The following KCNMA1 variants were observed in gnomAD, a reference collection of about 807,000 sequenced individuals.
The protein encoded by KCNMA1 is Calcium-activated potassium channel subunit alpha-1.
KCNMA1 carries 29 observed loss-of-function variants against 140.0 expected under a neutral mutation model. That is an observed-to-expected ratio of 0.21 (90% CI 0.15 to 0.28). KCNMA1 has a LOEUF of 0.28. Among genes scored for constraint, KCNMA1 ranks in the 10% least tolerant of loss-of-function variants. The pLI is 1.00. For missense variants in KCNMA1, 880 were observed against 1,602.2 expected (o/e 0.55, Z 7.70); for synonymous variants, 612 against 611.9 (o/e 1.00, Z 0.00).
At chr10:77,101,176 A>T (rs2253072) in intron 9 of KCNMA1, among the ~76,000 whole-genome samples, 1 of 152,020 alleles carries the variant, frequency 6.6e-6, no homozygotes, top group African/African-American at 2.4e-5. Context: ...TCCCACGCCC[A>T]CCAAGACCCC....
At chr10:77,242,830 G>A (rs1449169581) in intron 3 of KCNMA1, among the ~76,000 whole-genome samples, 2 of 151,584 alleles carry the variant, frequency 1.3e-5, no homozygotes, top group Non-Finnish European at 2.9e-5. Context: ...CTACTGTGAT[G>A]AGCCTGGTGG....
At chr10:77,086,017 GA>G (rs2096682656) in intron 11 of KCNMA1, among the ~76,000 whole-genome samples, 1 of 152,052 alleles carries the variant, frequency 6.6e-6, no homozygotes, top group Non-Finnish European at 1.5e-5. Context: ...CTTAGATGGG[GA>G]AAAAAGAAAG....
chr10:77,490,900 T>C (rs1400832940), intron 1 of KCNMA1, among the ~76,000 whole-genome samples: 3 of 152,208 alleles, frequency 2.0e-5, no homozygotes, highest in South Asian at 4.1e-4. Context: ...AAATGTATCT[T>C]GACCTTGCTT....
intron 26 of KCNMA1, 54 bp from the exon 27 acceptor site, chr10:76,889,623 C>T (rs764718421): frequency 1.4e-6 from 2 of 1,384,318 alleles, no homozygotes; most frequent in Non-Finnish European, 2.1e-6. Flanking sequence ...GCCTGAAAAT[C>T]AAGGGACAGC....
intron 23 of KCNMA1, among the ~76,000 whole-genome samples, chr10:76,932,583 G>A (rs564421838): frequency 6.6e-6 from 1 of 152,108 alleles, no homozygotes; most frequent in African/African-American, 2.4e-5. Flanking sequence ...TTCATACACT[G>A]ATCCCTCGGT....
At chr10:77,351,559 GTC>G (rs975085489) in intron 2 of KCNMA1, among the ~76,000 whole-genome samples, 2 of 152,164 alleles carry the variant, frequency 1.3e-5, no homozygotes, top group Non-Finnish European at 2.9e-5. Flanking sequence ...GGCAGCTGTA[GTC>G]TGCCCCTTGC....
chr10:77,227,136 T>TG (rs1411528810), intron 3 of KCNMA1, among the ~76,000 whole-genome samples: 1 of 152,182 alleles, frequency 6.6e-6, no homozygotes, highest in African/African-American at 2.4e-5. Flanking sequence ...ATCAACACCC[T>TG]GGAAACAGAA....
chr10:76,971,201 G>A (rs2075983344), intron 19 of KCNMA1, among the ~76,000 whole-genome samples: 1 of 152,132 alleles, frequency 6.6e-6, no homozygotes, highest in Non-Finnish European at 1.5e-5. Flanking sequence ...AAAGCACCCT[G>A]AAACTCAGAA....
chr10:77,212,547 C>T (rs903902696), intron 3 of KCNMA1, among the ~76,000 whole-genome samples: 1 of 152,018 alleles, frequency 6.6e-6, no homozygotes, highest in African/African-American at 2.4e-5. Context: ...GCATATGTAC[C>T]CCCTGTATCT....
At chr10:77,353,568 G>A (rs1291803816) in intron 2 of KCNMA1, among the ~76,000 whole-genome samples, 1 of 151,716 alleles carries the variant, frequency 6.6e-6, no homozygotes, top group Non-Finnish European at 1.5e-5. Context: ...GCTGTTACAA[G>A]TGTTTTCCAT....
At chr10:77,042,235 G>A (rs1164470555) in intron 14 of KCNMA1, among the ~76,000 whole-genome samples, 1 of 145,044 alleles carries the variant, frequency 6.9e-6, no homozygotes, top group Non-Finnish European at 1.6e-5. Context: ...AAAATTAACT[G>A]CAATGTGTTT....
chr10:77,509,183 C>T (rs552471260), intron 1 of KCNMA1, among the ~76,000 whole-genome samples: 24 of 152,126 alleles, frequency 1.6e-4, no homozygotes, highest in African/African-American at 5.1e-4. Flanking sequence ...TGCAGTGATG[C>T]AATCTCGGCT....
intron 14 of KCNMA1, among the ~76,000 whole-genome samples, chr10:77,048,239 A>C (rs920861521): frequency 1.3e-5 from 2 of 152,216 alleles, no homozygotes; most frequent in Non-Finnish European, 2.9e-5. Flanking sequence ...TTGCTTTGAA[A>C]GTTTCTAAGC....
At chr10:77,010,060 T>C (rs1285169005) in intron 18 of KCNMA1, among the ~76,000 whole-genome samples, 1 of 152,202 alleles carries the variant, frequency 6.6e-6, no homozygotes, top group Non-Finnish European at 1.5e-5. Flanking sequence ...GGCTAATCAA[T>C]ATGTGAATCA....
intron 19 of KCNMA1, 61 bp from the exon 20 acceptor site, chr10:76,970,128 G>A: frequency 7.8e-7 from 1 of 1,287,548 alleles, no homozygotes; most frequent in East Asian, 2.3e-5. Flanking sequence ...TGCAATACAG[G>A]CAAAATATCA....
chr10:77,418,491 C>G (rs2096792162), intron 1 of KCNMA1, among the ~76,000 whole-genome samples: 1 of 152,190 alleles, frequency 6.6e-6, no homozygotes, highest in Non-Finnish European at 1.5e-5. Flanking sequence ...GTGATTCAAT[C>G]TGGCTTCTGA....
intron 6 of KCNMA1, among the ~76,000 whole-genome samples, chr10:77,117,560 A>AG (rs1330954135): frequency 1.4e-4 from 21 of 149,976 alleles, no homozygotes; most frequent in Admixed American, 1.1e-3. Flanking sequence ...AAAAAAAAAA[A>AG]AAAAAGAAAA....
chr10:77,119,987 A>C (rs12359374), intron 6 of KCNMA1, among the ~76,000 whole-genome samples: 1 of 152,188 alleles, frequency 6.6e-6, no homozygotes, highest in Non-Finnish European at 1.5e-5. Context: ...AGGTTCATTC[A>C]GGAAGCTAGG....
At chr10:76,948,000 TTG>T (rs371548938) in intron 22 of KCNMA1, among the ~76,000 whole-genome samples, 113,722 of 141,970 alleles carry the variant, frequency 0.8, 42,951 homozygotes, top group East Asian at 0.93. Context: ...CAGTTGTTTC[TTG>T]TTTTGTTTTT....
Sources: gnomAD v4.1 joint callset for allele counts (sites outside exome capture counted in the v4.1 genomes callset) on GRCh38, gnomAD v4.1.1 for gene constraint, MANE v1.5 for transcripts, NCBI Gene and HGNC (gene_info 2026-07-23, HGNC 2026-07-21) for gene names.